Variants in CRNKL1 observed in about 807,000 individuals in gnomAD.
CRNKL1 encodes crooked neck-like protein 1.
CRNKL1 carries 35 observed loss-of-function variants against 103.7 expected under a neutral mutation model. The observed-to-expected ratio is 0.34, with a 90% CI of 0.26 to 0.45. The LOEUF (loss-of-function observed/expected upper bound fraction) is 0.45, where lower values mean the gene tolerates loss of function less well. Among genes scored for constraint, CRNKL1 ranks in the 20% least tolerant of loss-of-function variants. The pLI is 1.00. For synonymous variants in CRNKL1, 267 were observed against 282.6 expected (o/e 0.94, Z 0.55); for missense variants, 645 against 836.0 (o/e 0.77, Z 2.82).
intron 8 of CRNKL1, 34 bp downstream of exon 8, chr20:20,042,291 C>T (rs1205893377): frequency 6.5e-7 from 1 of 1,528,482 alleles, no homozygotes; most frequent in East Asian, 2.3e-5. Context: ...GACAGGAAAC[C>T]ATTATCAGCT....
At chr20:20,052,253 CCTAGG>C (rs1568770094) in intron 1 of CRNKL1, 34 bp downstream of exon 1, 2 of 1,561,712 alleles carry the variant, frequency 1.3e-6, no homozygotes, top group Non-Finnish European at 8.7e-7. Context: ...ATGCCCCTTT[CCTAGG>C]CCACCTCCTA....
At chr20:20,047,445 A>G (rs1054284399) in intron 5 of CRNKL1, among the ~76,000 whole-genome samples, 1 of 152,198 alleles carries the variant, frequency 6.6e-6, no homozygotes, top group Non-Finnish European at 1.5e-5. Flanking sequence ...GAGGGACTTA[A>G]GCATCACCGA....
chr20:20,044,379 C>T (rs1176393850), intron 6 of CRNKL1, among the ~76,000 whole-genome samples: 1 of 152,230 alleles, frequency 6.6e-6, no homozygotes, highest in Non-Finnish European at 1.5e-5. Flanking sequence ...TATCTCTTGT[C>T]TGAAGCATTT....
rs141899108 is a variant in CRNKL1, at chr20:20,049,419, T to C, written c.217A>G (p.Asn73Asp). Residue 73 changes from asparagine (N) to aspartate (D), a missense_variant, in exon 3 of 14, where the codon AAT becomes GAT. Asn to Asp is a conservative substitution (Grantham distance 23, BLOSUM62 1). This residue lies in a region of CRNKL1 where 63 missense variants were observed against 128.3 expected (regional missense o/e 0.49). Coordinates refer to ENST00000536226, the MANE Select transcript of CRNKL1 (RefSeq NM_001278628.2). ...KLRKRKTFED[N>D]IRKNRTVISN... ...ATCACAGTCCTGTTTTTTCTTATAT[T>C]ATCTTCAAAAGTCTGGAAGAAGGCA... 646 of 1,588,980 alleles carry C rather than the reference T, an allele frequency of 4.1e-4. 1 individual carries two copies. The highest frequency in any genetic ancestry group is 5.4e-4 in the Non-Finnish European group (629 of 1,162,320).
rs2146481075 is a variant in CRNKL1, at chr20:20,037,423, C to G, written c.1796G>C (p.Ser599Thr). Residue 599 changes from serine (S) to threonine (T), a missense_variant, in exon 13 of 14, where the codon AGT becomes ACT. Coordinates refer to ENST00000536226, the MANE Select transcript of CRNKL1 (RefSeq NM_001278628.2). Reference protein sequence around the residue: ...ERLMLLESWRSFEEEFGTASD... With the variant: ...ERLMLLESWRTFEEEFGTASD... Reference sequence around the variant, plus strand: ...AGCTGTTCCAAATTCTTCTTCAAAACTTCGCCAAGATTCCAGCAGCATAAG... The same window carrying G: ...AGCTGTTCCAAATTCTTCTTCAAAAGTTCGCCAAGATTCCAGCAGCATAAG... 1 of 1,614,182 alleles carries G rather than the reference C, an allele frequency of 6.2e-7. No individual in the cohort carries two copies. Among genetic ancestry groups the G allele is most frequent in the African/African-American group, 1.3e-5 (1 of 75,066 alleles).
chr20:20,050,802 T>C lies in CRNKL1; in HGVS notation c.52-180A>G, dbSNP rs568197623. Among the ~76,000 whole-genome samples the C allele has an allele frequency of 3.5e-4, 54 of 152,342 alleles. No homozygotes were observed. In the South Asian group the frequency reaches 0.011, roughly 32 times the overall value. On this transcript the variant is annotated intron_variant, in intron 1 of 13. Coordinates refer to ENST00000536226, the MANE Select transcript of CRNKL1 (RefSeq NM_001278628.2). ...GAAAAAAAAAATACCGTTTTCTCTC[T>C]TATTCATAGTATCTACTGCAAAGCC...
At chr20:20,046,623 T>C (rs1457336787) in intron 5 of CRNKL1, among the ~76,000 whole-genome samples, 2 of 152,262 alleles carry the variant, frequency 1.3e-5, no homozygotes, top group South Asian at 2.1e-4. Context: ...TGGCAGATTC[T>C]ATCTTCATTA....
At position 20,042,412 on chromosome 20, in the gene CRNKL1, A is replaced by G. The variant is rs2043529301; in HGVS notation, c.1077T>C (p.Asn359=). 2.5e-6 allele frequency: 4 copies of G among 1,614,064 alleles called. No homozygotes were observed. The South Asian group carries it at 3.3e-5, about 13-fold the overall frequency. The change falls in exon 8 of 14, where the codon AAT becomes AAC. Residue 359 remains asparagine, a synonymous_variant. Transcript: ENST00000536226. ...VREVYERAIA[N]VPPIQEKRHW... ...GCCTCTTCTCCTGAATGGGTGGGAC[A>G]TTGGCAATGGCCCTTTCATAGACTT...
rs2043411553 is a variant in CRNKL1, at chr20:20,035,885, C to T, written c.*310G>A. On this transcript the variant is annotated 3_prime_UTR_variant, in exon 14 of 14. Transcript: ENST00000536226. ...CATTTCAGATGAATGCATAAACTATCTTTATGGGTATGACATGAAAAGTAA... is the reference window on the plus strand; with the variant it reads ...CATTTCAGATGAATGCATAAACTATTTTTATGGGTATGACATGAAAAGTAA... The T allele has an allele frequency of 4.4e-6, 1 of 225,246 alleles. No homozygotes were observed. Among genetic ancestry groups the T allele is most frequent in the African/African-American group, 2.3e-5 (1 of 43,454 alleles). The allele number at this position is 225,246 out of a possible 1,614,324, so 14.0% of individuals were successfully genotyped here.
intron 7 of CRNKL1, among the ~76,000 whole-genome samples, chr20:20,042,979 A>T (rs1282705666): frequency 6.6e-6 from 1 of 152,218 alleles, no homozygotes; most frequent in Non-Finnish European, 1.5e-5. Context: ...AGGTATCTTA[A>T]TTAACTTGAC....
At chr20:20,036,428 AT>A in intron 13 of CRNKL1, 66 bp from the exon 14 acceptor site, 1 of 1,460,592 alleles carries the variant, frequency 6.8e-7, no homozygotes, top group Non-Finnish European at 9.5e-7. Context: ...AGAGTGAAGA[AT>A]TTTTACTGGA....
In CRNKL1 at chr20:20,052,276, C is replaced by T. The variant is rs1428817053; in HGVS notation, c.51+16G>A. On this transcript the variant is annotated intron_variant, in intron 1 of 13. Transcript: ENST00000536226. ...TTCCTAGGCCACCTCCTACAAGGCC[C>T]CTCGCGATCGCCTACCTTGGCCACT... 6.2e-7 allele frequency: 1 copy of T among 1,600,726 alleles called. No individual in the cohort carries two copies. The highest frequency in any genetic ancestry group is 8.5e-7 in the Non-Finnish European group (1 of 1,175,206).
upstream of CRNKL1, among the ~76,000 whole-genome samples, chr20:20,053,498 A>G (rs914244442): frequency 6.6e-6 from 1 of 152,230 alleles, no homozygotes; most frequent in African/African-American, 2.4e-5. Context: ...AGGTTGGACA[A>G]ATGTATAATG....
chr20:20,042,598 C>T (rs2043533441), intron 7 of CRNKL1, 82 bp from the exon 8 acceptor site: 2 of 1,304,236 alleles, frequency 1.5e-6, no homozygotes, highest in African/African-American at 1.5e-5. Flanking sequence ...AAAAAGGCAT[C>T]AGGCTGACTT....
At position 20,043,649 on chromosome 20, in the gene CRNKL1, C is replaced by T. The variant is rs199809196; in HGVS notation, c.815G>A (p.Arg272Gln). The T allele has an allele frequency of 1.1e-5, 18 of 1,612,910 alleles. No homozygotes were observed. The Admixed American group carries it at 1.2e-4, about 10-fold the overall frequency. The change falls in exon 7 of 14, where the codon CGA (arginine) becomes CAA (glutamine). Residue 272 changes from arginine to glutamine, a missense_variant. Arg to Gln is a conservative substitution (Grantham distance 43). Transcript: ENST00000536226. The part of the protein sequence containing the change: ...EENQKEFERV[R>Q]VIYKYALDRI... ...GTCCAGGGCATACTTGTAAATCACT[C>T]GTACCCTTTCAAACTAAATGCAGAC...
upstream of CRNKL1, among the ~76,000 whole-genome samples, chr20:20,054,018 T>TG (rs1568779094): frequency 5.9e-5 from 7 of 119,244 alleles, no homozygotes; most frequent in Admixed American, 1.8e-4. Flanking sequence ...TGTTTGTTTT[T>TG]TTTTTTTTTT....
chr20:20,049,090 A>G (rs543378438), intron 3 of CRNKL1, among the ~76,000 whole-genome samples: 4 of 150,444 alleles, frequency 2.7e-5, no homozygotes, highest in Admixed American at 2.0e-4. Context: ...AAAGCAAATG[A>G]AATTGTGCTT....
At position 20,049,650 on chromosome 20, in the gene CRNKL1, T is replaced by C. The variant is rs1341883406; in HGVS notation, c.205-219A>G. Among the ~76,000 whole-genome samples the C allele has an allele frequency of 5.3e-5, 8 of 152,210 alleles. No homozygotes were observed. The East Asian group carries it at 1.5e-3, about 29-fold the overall frequency. On this transcript the variant is annotated intron_variant, in intron 2 of 13. Coordinates refer to ENST00000536226, the MANE Select transcript of CRNKL1 (RefSeq NM_001278628.2). Reference sequence around the variant, plus strand: ...GTCTATGCTTGTCCCTAATAAAAAATGTTTTTGACTATTACCTTTAAGTCC... The same window carrying C: ...GTCTATGCTTGTCCCTAATAAAAAACGTTTTTGACTATTACCTTTAAGTCC...
At chr20:20,050,425 A>G in intron 2 of CRNKL1, 45 bp downstream of exon 2, 2 of 1,570,868 alleles carry the variant, frequency 1.3e-6, no homozygotes, top group South Asian at 1.2e-5. Flanking sequence ...ACTGACCGAT[A>G]CAGTCTTAAC....
Sources: allele counts gnomAD v4.1 joint callset (sites outside exome capture counted in the v4.1 genomes callset), GRCh38; gene constraint gnomAD v4.1.1; regional missense constraint gnomAD v4.1.1; transcripts MANE v1.5; gene names NCBI Gene and HGNC (gene_info 2026-07-23, HGNC 2026-07-21).